Variants in DHTKD1 observed in about 807,000 individuals in gnomAD.
The protein encoded by DHTKD1 is 2-oxoadipate dehydrogenase complex component E1.
In DHTKD1, 78 loss-of-function variants were observed where a neutral mutation model predicts 101.8. That is an observed-to-expected ratio of 0.77 (90% CI 0.64 to 0.93). DHTKD1 has a LOEUF of 0.93. Ranked by LOEUF, DHTKD1 falls within the 40% of genes least tolerant of loss-of-function variation. The probability of loss-of-function intolerance (pLI) is 0.00; values close to 1 mark genes in which losing one functional copy is unlikely to be tolerated. For missense variants in DHTKD1, 1,223 were observed against 1,161.7 expected (o/e 1.05, Z -0.77); for synonymous variants, 462 against 450.3 (o/e 1.03, Z -0.33).
At chr10:12,069,261 G>C in intron 1 of DHTKD1, 74 bp downstream of exon 1, 1 of 1,369,684 alleles carries the variant, frequency 7.3e-7, no homozygotes, top group Non-Finnish European at 9.6e-7. Context: ...TTGCGGTGGG[G>C]TGTCGGGGTC....
At chr10:12,094,595 C>T (rs1564393142) in intron 7 of DHTKD1, among the ~76,000 whole-genome samples, 1 of 152,130 alleles carries the variant, frequency 6.6e-6, no homozygotes, top group Non-Finnish European at 1.5e-5. Context: ...CCTCGCCCTC[C>T]CAAAGTGCTG....
intron 1 of DHTKD1, among the ~76,000 whole-genome samples, chr10:12,069,967 T>C (rs1034480110): frequency 2.0e-5 from 3 of 152,110 alleles, no homozygotes; most frequent in African/African-American, 7.2e-5. Context: ...CAAGACTGCA[T>C]TGCTTGGGAG....
chr10:12,072,280 G>C (rs1832660973), intron 1 of DHTKD1, among the ~76,000 whole-genome samples: 1 of 152,100 alleles, frequency 6.6e-6, no homozygotes. Flanking sequence ...CAGCCTGGCT[G>C]ACATGGTGAA....
At chr10:12,114,399 C>T (rs980469649) in intron 13 of DHTKD1, among the ~76,000 whole-genome samples, 55 of 151,756 alleles carry the variant, frequency 3.6e-4, no homozygotes, top group African/African-American at 1.2e-3. Context: ...CGGGTTCAAG[C>T]GATTCTCCTG....
Position 12,097,635 on chromosome 10 carries a change from A to G in DHTKD1, c.1359-49A>G, listed in dbSNP as rs746015971. On this transcript the variant is annotated intron_variant, in intron 7 of 16. Coordinates refer to ENST00000263035, the MANE Select transcript of DHTKD1 (RefSeq NM_018706.7). ...GACAGTGACTCTCCTTGTCTCTATTAGATTGTTACAGGTCAGACTGATTTT... is the reference window on the plus strand; with the variant it reads ...GACAGTGACTCTCCTTGTCTCTATTGGATTGTTACAGGTCAGACTGATTTT... 2.7e-6 allele frequency: 4 copies of G among 1,507,230 alleles called. No individual in the cohort carries two copies. The East Asian group carries it at 9.0e-5, about 34-fold the overall frequency. 93.4% of individuals were successfully genotyped at this position (1,507,230 alleles called of 1,614,324 possible).
chr10:12,091,600 A>T lies in DHTKD1; in HGVS notation c.1075A>T (p.Ser359Cys). The T allele has an allele frequency of 1.2e-6, 2 of 1,613,484 alleles. No individual in the cohort carries two copies. The highest frequency in any genetic ancestry group is 1.7e-6 in the Non-Finnish European group (2 of 1,179,902). The change falls in exon 6 of 17, where the codon AGT (serine) becomes TGT (cysteine). Residue 359 changes from serine (S) to cysteine (C), a missense_variant. Ser to Cys is a moderately radical substitution (Grantham distance 112). Transcript: ENST00000263035. ...TCTCCCACATTTCAGAATTGGTGGG[A>T]GTGTGCATTTGATTGTTAATAACCA... ...SNLPHFRIGG[S>C]VHLIVNNQLG... is the part of the protein sequence containing the mutation.
In DHTKD1 at chr10:12,069,022, C is replaced by T. The variant is rs919665637; in HGVS notation, c.-12C>T. 1.2e-6 allele frequency: 2 copies of T among 1,613,044 alleles called. No homozygotes were observed. The highest frequency in any genetic ancestry group is 1.1e-5 in the South Asian group (1 of 91,038). On this transcript the variant is annotated 5_prime_UTR_variant, in exon 1 of 17. Transcript: ENST00000263035. ...TCCCGCCTTAGCATGCTGGCCGGGA[C>T]ATCTGGTGAACATGGCCTCTGCTAC... is the stretch of plus-strand genomic sequence containing the variant.
Position 12,118,786 on chromosome 10 carries a change from T to G in DHTKD1, c.2440T>G (p.Tyr814Asp), listed in dbSNP as rs1213967047. ...TLVFCSGKHF[Y>D]SLVKQRESLG... The stretch of plus-strand genomic sequence containing the variant: ...CGTGTTCTGCTCCGGCAAACATTTC[T>G]ACTCCCTGGTGAAACAAAGAGAATC... The change falls in exon 15 of 17, where the codon TAC (tyrosine) becomes GAC (aspartate). Residue 814 changes from tyrosine to aspartate, a missense_variant. Coordinates refer to ENST00000263035, the MANE Select transcript of DHTKD1 (RefSeq NM_018706.7). The G allele has an allele frequency of 1.2e-6, 2 of 1,603,840 alleles. No homozygotes were observed. Among genetic ancestry groups the G allele is most frequent in the African/African-American group, 1.3e-5 (1 of 74,354 alleles).
At chr10:12,111,825 G>A (rs1398663281) in intron 12 of DHTKD1, among the ~76,000 whole-genome samples, 2 of 152,104 alleles carry the variant, frequency 1.3e-5, no homozygotes, top group Non-Finnish European at 2.9e-5. Flanking sequence ...GGGAAATAGA[G>A]TTTAAGAGTC....
intron 1 of DHTKD1, among the ~76,000 whole-genome samples, chr10:12,074,606 C>T (rs1242522371): frequency 6.6e-6 from 1 of 151,620 alleles, no homozygotes; most frequent in Non-Finnish European, 1.5e-5. Flanking sequence ...GATCCACCCT[C>T]CTCGGCCTCC....
intron 4 of DHTKD1, among the ~76,000 whole-genome samples, chr10:12,088,751 T>C (rs950297429): frequency 6.6e-6 from 1 of 151,808 alleles, no homozygotes. Flanking sequence ...ACCCAACTAA[T>C]TTTTTGTATT....
chr10:12,120,601 G>T lies in DHTKD1; in HGVS notation c.2659-186G>T, dbSNP rs548468345. ...TCCGCCCACCTCGGCCTCCCAAAGC[G>T]CTGGGATTACAGGCATTGAGGCACG... On this transcript the variant is annotated intron_variant, in intron 16 of 16. Coordinates refer to ENST00000263035, the MANE Select transcript of DHTKD1 (RefSeq NM_018706.7). 5.3e-5 allele frequency among the ~76,000 whole-genome samples: 8 copies of T among 152,180 alleles called. No individual in the cohort carries two copies. In the East Asian group the frequency reaches 1.6e-3, roughly 30 times the overall value.
At chr10:12,118,604 G>A (rs879045177) in intron 14 of DHTKD1, 145 bp from the exon 15 acceptor site, 54 of 459,992 alleles carry the variant, frequency 1.2e-4, no homozygotes, top group African/African-American at 5.1e-4. Context: ...GGATGGTCTT[G>A]ATTTCCTGAC....
At chr10:12,100,668 T>G (rs548318844) in intron 9 of DHTKD1, among the ~76,000 whole-genome samples, 1 of 152,320 alleles carries the variant, frequency 6.6e-6, no homozygotes, top group Admixed American at 6.5e-5. Flanking sequence ...ATTGTGTTCA[T>G]TGACCAGAGA....
At chr10:12,069,283 TGCCGGCCTGAACGCGCGGCC>T in intron 1 of DHTKD1, 96 bp downstream of exon 1, 7 of 467,068 alleles carry the variant, frequency 1.5e-5, no homozygotes, top group African/African-American at 2.4e-5. Flanking sequence ...GGGAACCGGC[TGCCGGCCTGAACGCGCGGCC>T]GGTGGGGAGG....
At chr10:12,104,416 T>C (rs1348445582) in intron 10 of DHTKD1, among the ~76,000 whole-genome samples, 1 of 152,030 alleles carries the variant, frequency 6.6e-6, no homozygotes, top group East Asian at 1.9e-4. Flanking sequence ...TGACCTCAAG[T>C]GATCATCTCA....
intron 6 of DHTKD1, among the ~76,000 whole-genome samples, chr10:12,093,730 A>G (rs1163970145): frequency 6.6e-6 from 1 of 152,220 alleles, no homozygotes; most frequent in Non-Finnish European, 1.5e-5. Flanking sequence ...GAGTAATGAT[A>G]ATAACAGTAA....
intron 9 of DHTKD1, 23 bp from the exon 10 acceptor site, chr10:12,101,019 T>C: frequency 1.9e-6 from 3 of 1,595,370 alleles, no homozygotes; most frequent in Non-Finnish European, 2.6e-6. Context: ...GGAATCTGAC[T>C]TTTTTTTTCT....
rs568600923 is a variant in DHTKD1 at position 12,081,973 on chromosome 10, A to T, written c.310+346A>T. ...AGACTGTCTCTACAAAAAAAAAAAA[A>T]AAAAATAACTGGGCATGGTGGTGCA... On this transcript the variant is annotated intron_variant, in intron 2 of 16. Coordinates refer to ENST00000263035, the MANE Select transcript of DHTKD1 (RefSeq NM_018706.7). 9.2e-4 allele frequency among the ~76,000 whole-genome samples: 140 copies of T among 151,882 alleles called. 1 individual carries two copies. Among genetic ancestry groups the T allele is most frequent in the Middle Eastern group, 6.8e-3 (2 of 294 alleles).
Sources: gnomAD v4.1 joint callset for allele counts (sites outside exome capture counted in the v4.1 genomes callset) on GRCh38, gnomAD v4.1.1 for gene constraint, MANE v1.5 for transcripts, NCBI Gene and HGNC (gene_info 2026-07-23, HGNC 2026-07-21) for gene names.